PCSK2: variants seen among roughly 807,000 people sequenced by gnomAD.
PCSK2 encodes proprotein convertase subtilisin/kexin type 2.
PCSK2 carries 14 observed loss-of-function variants against 69.7 expected under a neutral mutation model. That is an observed-to-expected ratio of 0.20 (90% CI 0.13 to 0.31). The LOEUF (loss-of-function observed/expected upper bound fraction) is 0.31. PCSK2 is among the 10% of genes least tolerant of loss of function. The pLI, the probability that PCSK2 is intolerant of heterozygous loss-of-function variation, is 1.00. For missense variants in PCSK2, 544 were observed against 842.5 expected (o/e 0.65, Z 4.39); for synonymous variants, 307 against 320.7 (o/e 0.96, Z 0.46).
chr20:17,470,638 G>A (rs1328957998), intron 11 of PCSK2, among the ~76,000 whole-genome samples: 1 of 152,194 alleles, frequency 6.6e-6, no homozygotes, highest in Non-Finnish European at 1.5e-5. Context: ...CACTGGGATA[G>A]CACTTTATTC....
At chr20:17,371,204 A>G (rs2030750728) in intron 5 of PCSK2, among the ~76,000 whole-genome samples, 1 of 152,178 alleles carries the variant, frequency 6.6e-6, no homozygotes, top group Non-Finnish European at 1.5e-5. Context: ...GGCCTAAGAC[A>G]TGGAGACCGA....
At chr20:17,285,477 C>T (rs1053646934) in intron 2 of PCSK2, among the ~76,000 whole-genome samples, 1 of 152,206 alleles carries the variant, frequency 6.6e-6, no homozygotes, top group African/African-American at 2.4e-5. Flanking sequence ...AGAACTTTAG[C>T]ATGGGTGACT....
At chr20:17,375,694 C>T (rs2030905093) in intron 5 of PCSK2, among the ~76,000 whole-genome samples, 1 of 152,152 alleles carries the variant, frequency 6.6e-6, no homozygotes, top group South Asian at 2.1e-4. Flanking sequence ...GGATGGGCCA[C>T]TTCTTGCACT....
At chr20:17,414,992 A>T (rs2031967301) in intron 6 of PCSK2, among the ~76,000 whole-genome samples, 1 of 152,244 alleles carries the variant, frequency 6.6e-6, no homozygotes, top group African/African-American at 2.4e-5. Flanking sequence ...ACAGCCCTTC[A>T]TGCTAAAAAC....
chr20:17,333,461 C>A (rs959550125), intron 2 of PCSK2, among the ~76,000 whole-genome samples: 1 of 152,116 alleles, frequency 6.6e-6, no homozygotes, highest in Admixed American at 6.6e-5. Context: ...CCAAAGGAAA[C>A]AAGAGACACC....
At chr20:17,459,945 G>A (rs76419807) in intron 10 of PCSK2, among the ~76,000 whole-genome samples, 4,361 of 152,280 alleles carry the variant, frequency 0.029, 86 homozygotes, top group Non-Finnish European at 0.046. Context: ...ATTCAGTCAA[G>A]ATTTAATGTT....
At chr20:17,375,096 T>A (rs1470922004) in intron 5 of PCSK2, among the ~76,000 whole-genome samples, 1 of 152,180 alleles carries the variant, frequency 6.6e-6, no homozygotes, top group East Asian at 1.9e-4. Context: ...ATCCTTGAGA[T>A]AATATGCGTA....
intron 6 of PCSK2, among the ~76,000 whole-genome samples, chr20:17,426,082 T>A (rs566739623): frequency 6.6e-6 from 1 of 152,302 alleles, no homozygotes; most frequent in African/African-American, 2.4e-5. Context: ...ATGGTTTGAC[T>A]CTGTGTCTCC....
chr20:17,305,806 CA>C (rs1161205929), intron 2 of PCSK2, among the ~76,000 whole-genome samples: 2 of 152,096 alleles, frequency 1.3e-5, no homozygotes, highest in Non-Finnish European at 1.5e-5. Context: ...AATAAATGAA[CA>C]AAAAAGCTTT....
chr20:17,345,381 A>G (rs1453668048), intron 2 of PCSK2, among the ~76,000 whole-genome samples: 1 of 152,234 alleles, frequency 6.6e-6, no homozygotes, highest in Non-Finnish European at 1.5e-5. Flanking sequence ...TAAGCCTGTG[A>G]GGTCAAGAAT....
intron 2 of PCSK2, among the ~76,000 whole-genome samples, chr20:17,318,185 A>G (rs1989747619): frequency 1.3e-5 from 2 of 152,164 alleles, no homozygotes; most frequent in Non-Finnish European, 2.9e-5. Flanking sequence ...GCCAAAGAAA[A>G]CCAAAGACAG....
At chr20:17,405,599 T>C (rs1021826911) in intron 5 of PCSK2, among the ~76,000 whole-genome samples, 4 of 152,226 alleles carry the variant, frequency 2.6e-5, no homozygotes, top group Non-Finnish European at 5.9e-5. Flanking sequence ...GTGAATATAA[T>C]AAGTGACTGT....
At chr20:17,403,854 C>T (rs563880062) in intron 5 of PCSK2, among the ~76,000 whole-genome samples, 35 of 152,308 alleles carry the variant, frequency 2.3e-4, no homozygotes, top group South Asian at 1.2e-3. Context: ...TCCTTGAGGT[C>T]GGGTTTGTGC....
chr20:17,341,905 T>A (rs930269221), intron 2 of PCSK2, among the ~76,000 whole-genome samples: 21 of 152,234 alleles, frequency 1.4e-4, no homozygotes, highest in Non-Finnish European at 2.6e-4. Flanking sequence ...AATACTCACA[T>A]GTGCAATATG....
intron 2 of PCSK2, among the ~76,000 whole-genome samples, chr20:17,333,420 T>C (rs922734002): frequency 1.3e-5 from 2 of 152,188 alleles, no homozygotes; most frequent in South Asian, 4.1e-4. Context: ...CTTCATGCTC[T>C]ATCCTGTTTT....
intron 2 of PCSK2, among the ~76,000 whole-genome samples, chr20:17,264,126 C>T (rs1022567807): frequency 2.6e-5 from 4 of 152,076 alleles, no homozygotes; most frequent in African/African-American, 9.7e-5. Flanking sequence ...TCTGTCAAAC[C>T]ATACTTGCAC....
chr20:17,304,035 A>G (rs1347608464), intron 2 of PCSK2, among the ~76,000 whole-genome samples: 1 of 151,160 alleles, frequency 6.6e-6, no homozygotes, highest in East Asian at 1.9e-4. Flanking sequence ...GAGACCTCTC[A>G]ATTCATGATT....
intron 2 of PCSK2, among the ~76,000 whole-genome samples, chr20:17,355,806 A>C (rs1329975854): frequency 6.6e-6 from 1 of 152,150 alleles, no homozygotes; most frequent in African/African-American, 2.4e-5. Flanking sequence ...AGTGACTGCG[A>C]GCAGCAGGGG....
At chr20:17,285,925 C>A (rs911204179) in intron 2 of PCSK2, among the ~76,000 whole-genome samples, 2 of 152,196 alleles carry the variant, frequency 1.3e-5, no homozygotes, top group African/African-American at 4.8e-5. Context: ...CCAGACCCCA[C>A]CAGAGCTGCT....
Sources: gnomAD v4.1 joint callset for allele counts (sites outside exome capture counted in the v4.1 genomes callset) on GRCh38, gnomAD v4.1.1 for gene constraint, MANE v1.5 for transcripts, NCBI Gene and HGNC (gene_info 2026-07-23, HGNC 2026-07-21) for gene names.